UBE2E2: variants seen among roughly 807,000 people sequenced by gnomAD.
UBE2E2 encodes ubiquitin conjugating enzyme E2 E2.
UBE2E2 carries 6 observed loss-of-function variants against 24.7 expected under a neutral mutation model. The observed-to-expected ratio is 0.24, with a 90% confidence interval of 0.13 to 0.48. The LOEUF (loss-of-function observed/expected upper bound fraction) is 0.48. UBE2E2 is among the 20% of genes least tolerant of loss of function. UBE2E2 has a pLI of 0.99. For missense variants in UBE2E2, 169 were observed against 245.0 expected (o/e 0.69, Z 2.07); for synonymous variants, 104 against 83.6 (o/e 1.24, Z -1.33).
chr3:23,216,769 A>G (rs937615999), intron 2 of UBE2E2, among the ~76,000 whole-genome samples: 8 of 152,160 alleles, frequency 5.3e-5, no homozygotes, highest in African/African-American at 9.7e-5. Flanking sequence ...TTAAACTTCA[A>G]AGTCCCAACC....
At chr3:23,361,119 C>T (rs893711500) in intron 3 of UBE2E2, among the ~76,000 whole-genome samples, 2 of 152,062 alleles carry the variant, frequency 1.3e-5, no homozygotes, top group African/African-American at 2.4e-5. Flanking sequence ...AAATTAAAAC[C>T]ACAGTGAGAT....
intron 3 of UBE2E2, among the ~76,000 whole-genome samples, chr3:23,461,683 A>G (rs1404918317): frequency 6.6e-6 from 1 of 152,186 alleles, no homozygotes; most frequent in African/African-American, 2.4e-5. Context: ...GCAATAAGAC[A>G]CAAAAGCTCA....
intron 3 of UBE2E2, among the ~76,000 whole-genome samples, chr3:23,497,433 T>C (rs1174336840): frequency 6.6e-6 from 1 of 152,258 alleles, no homozygotes; most frequent in East Asian, 1.9e-4. Context: ...CTATTGGCAA[T>C]AGCTGAGTTC....
intron 3 of UBE2E2, among the ~76,000 whole-genome samples, chr3:23,457,918 G>A (rs1193091410): frequency 6.7e-6 from 1 of 149,586 alleles, no homozygotes; most frequent in African/African-American, 2.4e-5. Context: ...GATGTGGCTG[G>A]TTTGATCTAT....
intron 3 of UBE2E2, among the ~76,000 whole-genome samples, chr3:23,479,031 T>A (rs1482135714): frequency 6.6e-6 from 1 of 152,138 alleles, no homozygotes; most frequent in Middle Eastern, 3.2e-3. Context: ...GGATCCTTTG[T>A]AATAGTGTCA....
intron 3 of UBE2E2, among the ~76,000 whole-genome samples, chr3:23,415,059 A>G (rs780117640): frequency 1.3e-5 from 2 of 152,222 alleles, no homozygotes; most frequent in Non-Finnish European, 2.9e-5. Flanking sequence ...CTTGCTAGAT[A>G]GTTCTCCTTC....
At chr3:23,384,441 G>T (rs1696754139) in intron 3 of UBE2E2, among the ~76,000 whole-genome samples, 1 of 152,106 alleles carries the variant, frequency 6.6e-6, no homozygotes, top group Admixed American at 6.5e-5. Context: ...TGGGATTACA[G>T]GTGTGAGCCA....
intron 3 of UBE2E2, among the ~76,000 whole-genome samples, chr3:23,366,912 A>G (rs1418752182): frequency 6.6e-6 from 1 of 152,226 alleles, no homozygotes; most frequent in Non-Finnish European, 1.5e-5. Context: ...TTATAGAAGA[A>G]CAATGAAAAT....
chr3:23,480,511 C>G (rs920217885), intron 3 of UBE2E2, among the ~76,000 whole-genome samples: 1 of 152,122 alleles, frequency 6.6e-6, no homozygotes, highest in African/African-American at 2.4e-5. Flanking sequence ...ATCCCAGCCC[C>G]GACCGGTTCC....
rs1375805130 is a variant in UBE2E2 at position 23,559,627 on chromosome 3, T to TC, written c.508+26927dup. On this transcript the variant is annotated intron_variant, in intron 5 of 5. Coordinates refer to ENST00000396703, the MANE Select transcript of UBE2E2 (RefSeq NM_152653.4). ...TCCTCCCTCCCCCACTCCTTTCCTT[T>TC]CTTTCTTTCTTTTTGTACAATGTTG... Among the ~76,000 whole-genome samples the TC allele has an allele frequency of 2.6e-5, 4 of 152,102 alleles. No individual in the cohort carries two copies. The East Asian group carries it at 7.7e-4, about 29-fold the overall frequency.
chr3:23,388,097 C>T (rs1259230758), intron 3 of UBE2E2, among the ~76,000 whole-genome samples: 1 of 152,146 alleles, frequency 6.6e-6, no homozygotes, highest in African/African-American at 2.4e-5. Flanking sequence ...TCTCAGCTAC[C>T]TAAGAAAAAT....
At chr3:23,321,488 A>G (rs1027986136) in intron 3 of UBE2E2, among the ~76,000 whole-genome samples, 6 of 151,846 alleles carry the variant, frequency 4.0e-5, no homozygotes, top group African/African-American at 1.5e-4. Context: ...CTTCTGTAGC[A>G]TGGAGCTTTG....
chr3:23,495,142 C>T (rs1575666284), intron 3 of UBE2E2, among the ~76,000 whole-genome samples: 1 of 152,152 alleles, frequency 6.6e-6, no homozygotes, highest in East Asian at 1.9e-4. Flanking sequence ...CACACTTTGA[C>T]AGCATAAACC....
intron 3 of UBE2E2, among the ~76,000 whole-genome samples, chr3:23,308,916 C>A (rs2125274247): frequency 6.6e-6 from 1 of 152,222 alleles, no homozygotes; most frequent in Admixed American, 6.5e-5. Flanking sequence ...TGGTACAAGT[C>A]CCACAGTCCA....
intron 4 of UBE2E2, 134 bp downstream of exon 4, chr3:23,499,874 T>C (rs1220458624): frequency 2.7e-6 from 3 of 1,094,378 alleles, no homozygotes; most frequent in Admixed American, 7.1e-5. Flanking sequence ...ATTGATAGTG[T>C]ATAAAATGAA....
intron 3 of UBE2E2, among the ~76,000 whole-genome samples, chr3:23,334,089 C>G (rs557215072): frequency 6.6e-6 from 1 of 151,700 alleles, no homozygotes; most frequent in Non-Finnish European, 1.5e-5. Flanking sequence ...CAAAACTTAT[C>G]TTAAATTGAA....
chr3:23,384,705 G>A (rs1696761764), intron 3 of UBE2E2, among the ~76,000 whole-genome samples: 1 of 151,910 alleles, frequency 6.6e-6, no homozygotes. Context: ...AGCACGCCTG[G>A]CTAATTTTTG....
chr3:23,453,548 CT>C (rs771536905), intron 3 of UBE2E2, among the ~76,000 whole-genome samples: 10 of 152,098 alleles, frequency 6.6e-5, no homozygotes, highest in Non-Finnish European at 1.2e-4. Context: ...TTGTATGCAT[CT>C]TTGAAGACTA....
intron 3 of UBE2E2, among the ~76,000 whole-genome samples, chr3:23,272,114 A>G (rs1185256017): frequency 1.3e-5 from 2 of 152,050 alleles, no homozygotes; most frequent in Admixed American, 1.3e-4. Flanking sequence ...TCCATGCTGG[A>G]GCCCACCGCC....
Sources: gnomAD v4.1 joint callset for allele counts (sites outside exome capture counted in the v4.1 genomes callset) on GRCh38, gnomAD v4.1.1 for gene constraint, MANE v1.5 for transcripts, NCBI Gene and HGNC (gene_info 2026-07-23, HGNC 2026-07-21) for gene names.